The following WWOX variants were observed in gnomAD, a reference collection of about 807,000 sequenced individuals.
WWOX encodes the protein WW domain containing oxidoreductase.
WWOX carries 69 observed loss-of-function variants against 46.2 expected under a neutral mutation model. That is an observed-to-expected ratio of 1.49 (90% CI 1.23 to 1.82). The LOEUF (loss-of-function observed/expected upper bound fraction) is 1.82. WWOX is among the 40% of genes most tolerant of loss of function. The pLI is 0.00. For synonymous variants in WWOX, 359 were observed against 202.6 expected, an observed-to-expected ratio of 1.77 and a Z score of -6.56; for missense variants, 919 against 542.6, an observed-to-expected ratio of 1.69 and a Z score of -6.89.
chr16:78,817,200 C>G (rs989718342), intron 8 of WWOX, among the ~76,000 whole-genome samples: 2 of 19,646 alleles, frequency 1.0e-4, no homozygotes, highest in Non-Finnish European at 2.4e-4. Flanking sequence ...TTTTTTTTTT[C>G]CTTCTTCAAC....
intron 4 of WWOX, among the ~76,000 whole-genome samples, chr16:78,130,452 G>A (rs1249243806): frequency 2.0e-5 from 3 of 152,164 alleles, no homozygotes; most frequent in East Asian, 1.9e-4. Flanking sequence ...CTGTGTTAAA[G>A]AAATGTCTGC....
chr16:78,763,759 A>G (rs752864144), intron 8 of WWOX, among the ~76,000 whole-genome samples: 1 of 152,146 alleles, frequency 6.6e-6, no homozygotes, highest in African/African-American at 2.4e-5. Flanking sequence ...CTTTTCACCC[A>G]TCTCATGTTG....
intron 8 of WWOX, among the ~76,000 whole-genome samples, chr16:78,478,005 C>T (rs1216632664): frequency 2.0e-5 from 3 of 151,984 alleles, no homozygotes; most frequent in Non-Finnish European, 4.4e-5. Context: ...TTTTTAATAC[C>T]TAACATTTGT....
intron 8 of WWOX, among the ~76,000 whole-genome samples, chr16:78,816,402 G>T (rs1315637103): frequency 6.6e-6 from 1 of 150,646 alleles, no homozygotes; most frequent in East Asian, 2.0e-4. Flanking sequence ...AATAGATATT[G>T]CAAGTGTGTT....
intron 8 of WWOX, among the ~76,000 whole-genome samples, chr16:79,051,396 G>A (rs1162781993): frequency 6.6e-6 from 1 of 152,194 alleles, no homozygotes; most frequent in Non-Finnish European, 1.5e-5. Flanking sequence ...TGTCCTCCAA[G>A]TGGTAATTCA....
At chr16:79,093,603 C>G (rs2049008699) in intron 8 of WWOX, among the ~76,000 whole-genome samples, 1 of 152,178 alleles carries the variant, frequency 6.6e-6, no homozygotes, top group African/African-American at 2.4e-5. Flanking sequence ...GCCTCCAGTG[C>G]CCGGTGCAGG....
intron 5 of WWOX, among the ~76,000 whole-genome samples, chr16:78,195,496 T>C (rs1282167340): frequency 2.0e-5 from 3 of 151,894 alleles, no homozygotes; most frequent in African/African-American, 7.3e-5. Context: ...CATGTTAAGA[T>C]TGCAGATGCA....
At chr16:78,930,788 C>G (rs1471561730) in intron 8 of WWOX, among the ~76,000 whole-genome samples, 1 of 152,048 alleles carries the variant, frequency 6.6e-6, no homozygotes, top group Non-Finnish European at 1.5e-5. Context: ...TGTGATGCTT[C>G]CATCACACAT....
intron 8 of WWOX, among the ~76,000 whole-genome samples, chr16:78,799,372 C>G (rs2050826480): frequency 6.6e-6 from 1 of 152,168 alleles, no homozygotes; most frequent in African/African-American, 2.4e-5. Context: ...GGTTAGCAAA[C>G]ACATGCTCAC....
chr16:78,914,139 C>G (rs1274691500), intron 8 of WWOX, among the ~76,000 whole-genome samples: 1 of 152,028 alleles, frequency 6.6e-6, no homozygotes, highest in Admixed American at 6.6e-5. Context: ...GCTATCCTGT[C>G]CAAAGTCACT....
intron 8 of WWOX, among the ~76,000 whole-genome samples, chr16:78,575,686 C>G (rs954462527): frequency 6.6e-6 from 1 of 152,122 alleles, no homozygotes; most frequent in East Asian, 1.9e-4. Flanking sequence ...ATGGATGACA[C>G]CCTCCTAAAG....
intron 5 of WWOX, among the ~76,000 whole-genome samples, chr16:78,358,775 G>C (rs991476750): frequency 1.3e-5 from 2 of 151,284 alleles, no homozygotes; most frequent in African/African-American, 2.4e-5. Context: ...ATTGTTCCTT[G>C]TGTCAGGAAC....
chr16:79,047,658 C>T (rs1377639200), intron 8 of WWOX, among the ~76,000 whole-genome samples: 2 of 145,924 alleles, frequency 1.4e-5, no homozygotes, highest in Non-Finnish European at 3.0e-5. Context: ...TGACTTTCTC[C>T]TGAGACTGTC....
At chr16:78,707,417 T>C (rs2048348521) in intron 8 of WWOX, among the ~76,000 whole-genome samples, 1 of 152,204 alleles carries the variant, frequency 6.6e-6, no homozygotes, top group Non-Finnish European at 1.5e-5. Flanking sequence ...CTCCTTTTTA[T>C]GCACAAGCAT....
At chr16:78,979,176 T>C (rs554340283) in intron 8 of WWOX, among the ~76,000 whole-genome samples, 64 of 152,090 alleles carry the variant, frequency 4.2e-4, no homozygotes, top group Admixed American at 1.0e-3. Context: ...GCTACATGCA[T>C]GTGGCTTCCC....
chr16:78,777,609 G>A (rs991311443), intron 8 of WWOX, among the ~76,000 whole-genome samples: 1 of 152,104 alleles, frequency 6.6e-6, no homozygotes, highest in Non-Finnish European at 1.5e-5. Context: ...TGTACAGGGT[G>A]CTGAGAAAGC....
At chr16:78,322,956 C>G (rs1270396217) in intron 5 of WWOX, among the ~76,000 whole-genome samples, 1 of 152,184 alleles carries the variant, frequency 6.6e-6, no homozygotes, top group African/African-American at 2.4e-5. Flanking sequence ...TCTTAGTTTA[C>G]AAGCCCTACA....
chr16:78,768,540 A>G (rs2049982668), intron 8 of WWOX, among the ~76,000 whole-genome samples: 1 of 151,346 alleles, frequency 6.6e-6, no homozygotes, highest in Non-Finnish European at 1.5e-5. Context: ...CAGTGAGCGG[A>G]GACTGCGCCG....
chr16:79,118,555 A>C (rs2049565131), intron 8 of WWOX, among the ~76,000 whole-genome samples: 1 of 152,232 alleles, frequency 6.6e-6, no homozygotes, highest in Admixed American at 6.5e-5. Flanking sequence ...ATTTGTAAAA[A>C]ACACAGTATT....
Sources: allele counts gnomAD v4.1 joint callset (sites outside exome capture counted in the v4.1 genomes callset), GRCh38; gene constraint gnomAD v4.1.1; transcripts MANE v1.5; gene names NCBI Gene and HGNC (gene_info 2026-07-23, HGNC 2026-07-21).